Variants in SHANK1 observed in about 807,000 individuals in gnomAD.
The protein encoded by SHANK1 is SH3 and multiple ankyrin repeat domains 1, also known as SH3 and multiple ankyrin repeat domains protein 1.
SHANK1 carries 35 observed loss-of-function variants against 165.6 expected under a neutral mutation model. The ratio of observed to expected loss-of-function variants is 0.21; its 90% CI spans 0.16 to 0.28. SHANK1 has a LOEUF of 0.28. Ranked by LOEUF, SHANK1 falls within the 10% of genes least tolerant of loss-of-function variation. The pLI is 1.00. For missense variants in SHANK1, 2,681 were observed against 3,036.4 expected, an observed-to-expected ratio of 0.88 and a Z score of 2.75; for synonymous variants, 1,428 against 1,384.8, an observed-to-expected ratio of 1.03 and a Z score of -0.69.
intron 7 of SHANK1, among the ~76,000 whole-genome samples, chr19:50,711,712 A>G (rs1199827372): frequency 5.3e-5 from 8 of 152,202 alleles, no homozygotes; most frequent in Admixed American, 5.2e-4. Context: ...CTGCCTCCTT[A>G]AGGGGGTCAA....
At position 50,714,167 on chromosome 19, in the gene SHANK1, C is replaced by T. The variant is rs762026015; in HGVS notation, c.640+15G>A. 14 of 1,608,924 alleles carry T rather than the reference C, an allele frequency of 8.7e-6. No homozygotes were observed. The highest frequency in any genetic ancestry group is 5.5e-5 in the South Asian group (5 of 90,862). ...TCCTGGCCCTGAGGTCCTCCTGATG[C>T]GCACCCCTCCCTACCTCCCGAATCC... is the stretch of plus-strand genomic sequence containing the variant. On this transcript the variant is annotated intron_variant, in intron 5 of 23. Coordinates refer to ENST00000293441, the MANE Select transcript of SHANK1 (RefSeq NM_016148.5).
intron 15 of SHANK1, among the ~76,000 whole-genome samples, chr19:50,692,564 C>A (rs1162228509): frequency 1.3e-5 from 2 of 151,172 alleles, no homozygotes; most frequent in African/African-American, 4.9e-5. Flanking sequence ...TCAACCACCC[C>A]CTATCCTACA....
At chr19:50,671,981 C>T (rs1599843852) in intron 22 of SHANK1, 37 bp downstream of exon 22, 3 of 1,498,124 alleles carry the variant, frequency 2.0e-6, no homozygotes, top group Non-Finnish European at 1.9e-6. Context: ...TTCCTGGCCT[C>T]CCCCAGCCCC....
rs1462699925 is a variant in SHANK1, at chr19:50,702,641, C to T, written c.1573G>A (p.Glu525Lys). 1.3e-6 allele frequency: 2 copies of T among 1,573,476 alleles called. No individual in the cohort carries two copies. Among genetic ancestry groups the T allele is most frequent in the Admixed American group, 1.8e-5 (1 of 54,618 alleles). ...CCCCCCGTGCCCCCGGCTGGCCCTT[C>T]CCGGGGTGTCCCGCTGGAGCTGCGT... ...GRPSSSGTPR[E>K]GPAGGTGGSG... Residue 525 changes from glutamate to lysine, a missense_variant, in exon 12 of 24, where the codon GAA becomes AAA. Transcript: ENST00000293441. The surrounding 1 kb of genome is among the most constrained non-coding windows in gnomAD (Gnocchi z 5.3).
In SHANK1 at chr19:50,703,507, G is replaced by T; in HGVS notation, c.1546C>A (p.Arg516=). 6.5e-7 allele frequency: 1 copy of T among 1,539,732 alleles called. No individual in the cohort carries two copies. Among genetic ancestry groups the T allele is most frequent in the Non-Finnish European group, 8.7e-7 (1 of 1,148,652 alleles). The change falls in exon 11 of 24, where the codon CGG becomes AGG. Residue 516 remains arginine (R), a synonymous_variant. Transcript: ENST00000293441. ...PEDAKRQPRG[R]PSSSGTPREG... is the part of the protein sequence containing the mutation. Reference sequence around the variant, plus strand: ...CAGGGCTGCCTCCCCTACCTGGGCCGGCCTCGGGGCTGCCTCTTGGCGTCC... The same window carrying T: ...CAGGGCTGCCTCCCCTACCTGGGCCTGCCTCGGGGCTGCCTCTTGGCGTCC...
chr19:50,659,350 G>C lies in SHANK1; in HGVS notation c.*2615C>G, dbSNP rs1345967753. On this transcript the variant is annotated 3_prime_UTR_variant, in exon 24 of 24. Transcript: ENST00000293441. The stretch of plus-strand genomic sequence containing the variant: ...ATCTTGGTGGGGAGTCAGGGGAAGG[G>C]AGGTGATGGGGGGTAGGAATGAACC... 7.5e-6 allele frequency: 3 copies of C among 399,838 alleles called. No individual in the cohort carries two copies. The East Asian group carries it at 1.1e-4, about 15-fold the overall frequency. 24.8% of individuals were successfully genotyped at this position (399,838 alleles called of 1,614,324 possible).
Position 50,703,740 on chromosome 19 carries a change from T to C in SHANK1, c.1313A>G (p.Asn438Ser). 1.4e-6 allele frequency: 2 copies of C among 1,441,174 alleles called. No individual in the cohort carries two copies. Among genetic ancestry groups the C allele is most frequent in the Non-Finnish European group, 1.8e-6 (2 of 1,101,174 alleles). 89.3% of individuals were successfully genotyped at this position (1,441,174 alleles called of 1,614,324 possible). A position where few individuals can be genotyped will look rare whatever the true frequency, so the allele number is the denominator to read the frequency against. The change falls in exon 11 of 24, where the codon AAC (asparagine) becomes AGC (serine). Residue 438 changes from asparagine to serine, a missense_variant. Physicochemically the swap from Asn to Ser is conservative, Grantham distance 46. Around this residue, in one of 10 missense-constraint regions of SHANK1, gnomAD observed 5 missense variants for 21.1 expected, o/e 0.24. Coordinates refer to ENST00000293441, the MANE Select transcript of SHANK1 (RefSeq NM_016148.5). ...LTVPPALLRA[N>S]SDTSMALPDW... ...GGGCAGCGCCATGCTGGTGTCACTG[T>C]TGGCCCGCAGCAGCGCCGGGGGCAC...
Position 50,661,989 on chromosome 19 carries a change from A to G in SHANK1, c.6462T>C (p.Ala2154=). ...RVGHRMNIDR[A]LKFFLER is the part of the protein sequence containing the mutation. The stretch of plus-strand genomic sequence containing the variant: ...ATCACCTCTCCAGGAAGAATTTGAG[A>G]GCCCGGTCGATGTTCATGCGGTGGC... The change falls in exon 24 of 24, where the codon GCT becomes GCC. Residue 2154 remains alanine (A), a synonymous_variant. Transcript: ENST00000293441. The G allele has an allele frequency of 1.2e-6, 2 of 1,614,064 alleles. No homozygotes were observed. The highest frequency in any genetic ancestry group is 1.7e-6 in the Non-Finnish European group (2 of 1,180,024).
rs1379989046 is a variant in SHANK1 at position 50,660,324 on chromosome 19, G to A, written c.*1641C>T. 1.3e-5 allele frequency among the ~76,000 whole-genome samples: 2 copies of A among 152,002 alleles called. No homozygotes were observed. Among genetic ancestry groups the A allele is most frequent in the African/African-American group, 4.8e-5 (2 of 41,390 alleles). On this transcript the variant is annotated 3_prime_UTR_variant, in exon 24 of 24. Coordinates refer to ENST00000293441, the MANE Select transcript of SHANK1 (RefSeq NM_016148.5). ...AGGGCAATCTTCGTGCAAAAGGGAT[G>A]GACAGATGGCCCAGGAAAGACAGAA...
Position 50,713,505 on chromosome 19 carries a change from G to A in SHANK1, c.792+293C>T, listed in dbSNP as rs2089032783. On this transcript the variant is annotated intron_variant, in intron 6 of 23. Transcript: ENST00000293441. The surrounding 1 kb of genome is among the most constrained non-coding windows in gnomAD (Gnocchi z 6.2). ...GAAGGGTTTACACCTTGGGGAGACA[G>A]AGGCAGATTTGGTATTAAGCTGGGC... 6.6e-6 allele frequency among the ~76,000 whole-genome samples: 1 copy of A among 152,108 alleles called. No individual in the cohort carries two copies. The highest frequency in any genetic ancestry group is 1.5e-5 in the Non-Finnish European group (1 of 68,010).
chr19:50,668,145 A>G lies in SHANK1; in HGVS notation c.3815T>C (p.Leu1272Pro), dbSNP rs768400956. The G allele has an allele frequency of 2.9e-4, 423 of 1,464,914 alleles. 2 individuals carry two copies. Among genetic ancestry groups the G allele is most frequent in the Admixed American group, 2.0e-4 (8 of 39,704 alleles). The allele number at this position is 1,464,914 out of a possible 1,614,324, so 90.7% of individuals were successfully genotyped here. ...AGDEDGGDGG[L>P]GTGAAPGPRL... ...CGGGCCCGGGGCCGCCCCTGTGCCC[A>G]GCCCGCCGTCCCCGCCGTCCTCGTC... Residue 1272 changes from leucine to proline, a missense_variant, in exon 23 of 24, where the codon CTG becomes CCG. Physicochemically the swap from Leu to Pro is moderately conservative, Grantham distance 98 (BLOSUM62 -3). Transcript: ENST00000293441.
At chr19:50,689,030 TG>T in intron 16 of SHANK1, 62 bp from the exon 17 acceptor site, 2 of 1,297,522 alleles carry the variant, frequency 1.5e-6, no homozygotes, top group Non-Finnish European at 2.2e-6. Context: ...GAGCAGGGGA[TG>T]GGGCTCAGAC....
chr19:50,667,783 G>A lies in SHANK1; in HGVS notation c.4177C>T (p.His1393Tyr). ...PRYEAPPPTP[H>Y]HHSPHAHHEP... The stretch of plus-strand genomic sequence containing the variant: ...TGGTGGGCGTGGGGCGAGTGGTGGT[G>A]CGGGGTGGGCGGCGGGGCCTCGTAG... The change falls in exon 23 of 24, where the codon CAC (histidine) becomes TAC (tyrosine). Residue 1393 changes from histidine (H) to tyrosine (Y), a missense_variant. This residue lies in a region of SHANK1 where 1,713 missense variants were observed against 1,630.2 expected (regional missense o/e 1.05). Transcript: ENST00000293441. The surrounding 1 kb of genome is among the most constrained non-coding windows in gnomAD (Gnocchi z 5.7). The A allele has an allele frequency of 7.7e-7, 1 of 1,295,750 alleles. No individual in the cohort carries two copies. The highest frequency in any genetic ancestry group is 9.7e-7 in the Non-Finnish European group (1 of 1,026,866). The allele number at this position is 1,295,750 out of a possible 1,614,324, so 80.3% of individuals were successfully genotyped here.
rs1272495631 is a variant in SHANK1, at chr19:50,690,844, T to C, written c.1965-1565A>G. The stretch of plus-strand genomic sequence containing the variant: ...CAAATGCCAATAATACTTACTGTGC[T>C]CCACTGTATTTAGGTACCACCCCCA... On this transcript the variant is annotated intron_variant, in intron 15 of 23. Transcript: ENST00000293441. This position sits in a 1 kb window ranked among gnomAD's most constrained non-coding sequence, Gnocchi z 4.9. Among the ~76,000 whole-genome samples, 4 of 152,052 alleles carry C rather than the reference T, an allele frequency of 2.6e-5. No homozygotes were observed. Among genetic ancestry groups the C allele is most frequent in the African/African-American group, 9.7e-5 (4 of 41,384 alleles).
Position 50,672,019 on chromosome 19 carries a change from G to A in SHANK1, c.2673C>T (p.Ile891=), listed in dbSNP as rs761139887. 11 of 1,611,160 alleles carry A rather than the reference G, an allele frequency of 6.8e-6. No individual in the cohort carries two copies. The highest frequency in any genetic ancestry group is 5.3e-5 in the African/African-American group (4 of 74,846). ...CATCTCTTCTTCTGGGTGGCATACC[G>A]ATAGATTTTTGCCGGAGCATCAACC... is the stretch of plus-strand genomic sequence containing the variant. ...GPGLMLRQKS[I]GAAEDDRPYL... Residue 891 remains isoleucine (I), a splice_region_variant and synonymous_variant, in exon 22 of 24, where the codon ATC becomes ATT. Transcript: ENST00000293441.
At chr19:50,705,717 C>A (rs2088930473) in intron 8 of SHANK1, among the ~76,000 whole-genome samples, 1 of 152,220 alleles carries the variant, frequency 6.6e-6, no homozygotes, top group Non-Finnish European at 1.5e-5. Context: ...AGGTTGAGAA[C>A]CACAGGTCTA....
At chr19:50,675,407 A>C (rs1309093990) in intron 21 of SHANK1, among the ~76,000 whole-genome samples, 1 of 152,164 alleles carries the variant, frequency 6.6e-6, no homozygotes, top group Non-Finnish European at 1.5e-5. Context: ...CATCACAGAG[A>C]GCTCTATTGG....
intron 21 of SHANK1, among the ~76,000 whole-genome samples, chr19:50,682,893 G>C (rs1030331636): frequency 1.3e-5 from 2 of 152,108 alleles, no homozygotes; most frequent in Non-Finnish European, 2.9e-5. Flanking sequence ...TGGCACAATC[G>C]TGGCTTACTG....
chr19:50,708,824 G>A (rs2088975085), intron 8 of SHANK1, among the ~76,000 whole-genome samples: 1 of 152,120 alleles, frequency 6.6e-6, no homozygotes, highest in South Asian at 2.1e-4. Flanking sequence ...ATGGAACTAG[G>A]CCTGCTGTTT....
Sources: gnomAD v4.1 joint callset for allele counts (sites outside exome capture counted in the v4.1 genomes callset) on GRCh38, gnomAD v4.1.1 for gene constraint, gnomAD v4.1.1 regional missense constraint, Gnocchi (gnomAD v3.1) non-coding constraint, MANE v1.5 for transcripts, NCBI Gene and HGNC (gene_info 2026-07-23, HGNC 2026-07-21) for gene names.